The following PIAS2 variants were observed in gnomAD, a reference collection of about 807,000 sequenced individuals.
PIAS2 encodes E3 SUMO-protein ligase PIAS2.
A neutral mutation model predicts 69.7 loss-of-function variants in PIAS2; 19 were observed. The observed-to-expected ratio is 0.27, with a 90% CI of 0.19 to 0.40. PIAS2 has a LOEUF of 0.40. Among genes scored for constraint, PIAS2 ranks in the 10% least tolerant of loss-of-function variants. The pLI is 1.00. For synonymous variants in PIAS2, 261 were observed against 263.2 expected (o/e 0.99, Z 0.08); for missense variants, 624 against 757.0 (o/e 0.82, Z 2.06).
rs947026330 is a variant in PIAS2, at chr18:46,808,468, G to A, written c.*3965C>T. ...TTCCTAACAAAGTAGGGGTGAGGGG[G>A]GTGTTACAAACCAGTCACTAGGCAG... is the stretch of plus-strand genomic sequence containing the variant. On this transcript the variant is annotated 3_prime_UTR_variant, in exon 14 of 14. Transcript: ENST00000585916. The A allele has an allele frequency of 6.6e-6, 1 of 152,062 alleles. No individual in the cohort carries two copies. The highest frequency in any genetic ancestry group is 1.5e-5 in the Non-Finnish European group (1 of 68,030). 9.4% of individuals were successfully genotyped at this position (152,062 alleles called of 1,614,324 possible). A position where few individuals can be genotyped will look rare whatever the true frequency, so the allele number is the denominator to read the frequency against.
chr18:46,872,630 G>A (rs2050542612), intron 2 of PIAS2, among the ~76,000 whole-genome samples: 1 of 152,190 alleles, frequency 6.6e-6, no homozygotes, highest in Non-Finnish European at 1.5e-5. Flanking sequence ...GCTCCGATCT[G>A]TGGAACCCAA....
intron 6 of PIAS2, among the ~76,000 whole-genome samples, chr18:46,845,367 T>G (rs957479960): frequency 6.6e-6 from 1 of 152,206 alleles, no homozygotes. Context: ...TACATGGCCT[T>G]TGAGTAAATC....
rs1266872043 is a variant in PIAS2, at chr18:46,848,550, A to C, written c.727-1709T>G. ...AGTACTGGTAGTATCACAAGCAAAG[A>C]GGAACACACCCTGTCTACCACAACT... On this transcript the variant is annotated intron_variant, in intron 5 of 13. Transcript: ENST00000585916. Among the ~76,000 whole-genome samples, 6 of 152,182 alleles carry C rather than the reference A, an allele frequency of 3.9e-5. 1 individual carries two copies. The highest frequency in any genetic ancestry group is 3.3e-4 in the Admixed American group (5 of 15,282).
intron 1 of PIAS2, among the ~76,000 whole-genome samples, chr18:46,898,154 C>A (rs2055195161): frequency 6.6e-6 from 1 of 151,846 alleles, no homozygotes; most frequent in African/African-American, 2.4e-5. Context: ...TACACCAAGG[C>A]AATATAATTT....
rs1300682463 is a variant in PIAS2 at position 46,803,390 on chromosome 18, C to T, written c.*9043G>A. 6.6e-6 allele frequency: 1 copy of T among 152,158 alleles called. No homozygotes were observed. Among genetic ancestry groups the T allele is most frequent in the East Asian group, 1.9e-4 (1 of 5,192 alleles). 9.4% of individuals were successfully genotyped at this position (152,158 alleles called of 1,614,324 possible). A position where few individuals can be genotyped will look rare whatever the true frequency, so the allele number is the denominator to read the frequency against. On this transcript the variant is annotated 3_prime_UTR_variant, in exon 14 of 14. Transcript: ENST00000585916. ...CTAACCACTTGCTTCTTGAAATACT[C>T]TATTTTTTGGCCTCTGTAATACCAC...
intron 2 of PIAS2, among the ~76,000 whole-genome samples, chr18:46,882,386 T>C (rs1174573972): frequency 2.0e-5 from 3 of 152,236 alleles, no homozygotes; most frequent in South Asian, 2.1e-4. Flanking sequence ...GATGAGTGTA[T>C]AGGGAAAACA....
intron 1 of PIAS2, among the ~76,000 whole-genome samples, chr18:46,901,434 T>C (rs1227532942): frequency 6.6e-6 from 1 of 152,074 alleles, no homozygotes; most frequent in Admixed American, 6.6e-5. Flanking sequence ...TACAAACCAA[T>C]ATTCGTCATG....
chr18:46,905,746 A>G (rs186829342), intron 1 of PIAS2: 1 of 152,310 alleles, frequency 6.6e-6, no homozygotes, highest in Admixed American at 6.5e-5. Flanking sequence ...ACAGGTTTGA[A>G]ACTTGAAAAT....
intron 1 of PIAS2, among the ~76,000 whole-genome samples, chr18:46,913,561 T>TAAAAA (rs758512713): frequency 1.5e-5 from 2 of 136,420 alleles, no homozygotes; most frequent in Non-Finnish European, 1.6e-5. Context: ...GGGAGATCCT[T>TAAAAA]AAAAAAAAAA....
At chr18:46,871,659 C>T (rs546181776) in intron 2 of PIAS2, among the ~76,000 whole-genome samples, 3 of 152,102 alleles carry the variant, frequency 2.0e-5, no homozygotes, top group Non-Finnish European at 2.9e-5. Context: ...AAGAGCAGCT[C>T]GTTCCTGTTT....
intron 1 of PIAS2, among the ~76,000 whole-genome samples, chr18:46,902,242 GAAA>G: frequency 7.9e-6 from 1 of 126,392 alleles, no homozygotes; most frequent in African/African-American, 2.9e-5. Flanking sequence ...ACAAAACACT[GAAA>G]AAAAAAAAAA....
intron 2 of PIAS2, among the ~76,000 whole-genome samples, chr18:46,885,723 A>G (rs539205433): frequency 3.6e-4 from 54 of 152,104 alleles, no homozygotes; most frequent in African/African-American, 1.3e-3. Flanking sequence ...CCTGAAAAAC[A>G]TTGTTTTTAG....
intron 2 of PIAS2, among the ~76,000 whole-genome samples, chr18:46,883,248 A>C (rs1205377951): frequency 1.3e-5 from 2 of 152,196 alleles, no homozygotes; most frequent in Non-Finnish European, 2.9e-5. Flanking sequence ...TCCAAATATT[A>C]ACTACTTTTG....
intron 2 of PIAS2, among the ~76,000 whole-genome samples, chr18:46,882,029 A>G (rs11877331): frequency 0.077 from 11,677 of 151,956 alleles, 483 homozygotes; most frequent in African/African-American, 0.1. Flanking sequence ...CCCAGGAGGC[A>G]GAGGTTGCAG....
intron 1 of PIAS2, among the ~76,000 whole-genome samples, chr18:46,906,773 T>TGTGG (rs751728920): frequency 5.3e-4 from 43 of 80,870 alleles, no homozygotes; most frequent in Non-Finnish European, 8.5e-4. Context: ...TGTGTGTGTG[T>TGTGG]GGGGGGGGGG....
intron 13 of PIAS2, 43 bp downstream of exon 13, chr18:46,815,269 A>T: frequency 5.8e-6 from 9 of 1,554,538 alleles, no homozygotes; most frequent in Non-Finnish European, 8.0e-6. Flanking sequence ...TGACATAACC[A>T]ACAATCAAAT....
At chr18:46,872,936 C>T (rs905752470) in intron 2 of PIAS2, among the ~76,000 whole-genome samples, 2 of 152,110 alleles carry the variant, frequency 1.3e-5, no homozygotes, top group Non-Finnish European at 2.9e-5. Flanking sequence ...CCTTCCTTCC[C>T]TAGAAAAACC....
At chr18:46,815,241 G>T (rs1333126697) in intron 13 of PIAS2, 71 bp downstream of exon 13, 3 of 1,240,990 alleles carry the variant, frequency 2.4e-6, no homozygotes, top group Non-Finnish European at 3.5e-6. Context: ...TTATGCAACT[G>T]GTCATTTTTA....
intron 12 of PIAS2, 64 bp from the exon 13 acceptor site, chr18:46,815,413 A>C: frequency 6.2e-7 from 1 of 1,606,116 alleles, no homozygotes; most frequent in Non-Finnish European, 8.5e-7. Flanking sequence ...TATTTCCCTA[A>C]ATCATCTTTA....
Sources: gnomAD v4.1 joint callset for allele counts (sites outside exome capture counted in the v4.1 genomes callset) on GRCh38, gnomAD v4.1.1 for gene constraint, MANE v1.5 for transcripts, NCBI Gene and HGNC (gene_info 2026-07-23, HGNC 2026-07-21) for gene names.